The following NEGR1 variants were observed in gnomAD, a reference collection of about 807,000 sequenced individuals.
NEGR1 encodes the protein neuronal growth regulator 1.
A neutral mutation model predicts 40.9 loss-of-function variants in NEGR1; 10 were observed. That is an observed-to-expected ratio of 0.24 (90% CI 0.15 to 0.42). The LOEUF is 0.42. Ranked by LOEUF, NEGR1 falls within the 10% of genes least tolerant of loss-of-function variation. The pLI is 1.00. For missense variants in NEGR1, 352 were observed against 438.9 expected, an observed-to-expected ratio of 0.80 and a Z score of 1.77; for synonymous variants, 185 against 166.8, an observed-to-expected ratio of 1.11 and a Z score of -0.84.
chr1:72,205,436 A>C (rs932053872), intron 1 of NEGR1, among the ~76,000 whole-genome samples: 2 of 151,728 alleles, frequency 1.3e-5, no homozygotes, highest in Non-Finnish European at 2.9e-5. Context: ...AACATGGACC[A>C]AGCAGAATAA....
chr1:72,096,538 C>T (rs1175268544), intron 1 of NEGR1, among the ~76,000 whole-genome samples: 3 of 149,050 alleles, frequency 2.0e-5, no homozygotes, highest in African/African-American at 4.8e-5. Context: ...ATCATAGTCA[C>T]TGAATAACTA....
chr1:71,733,548 GTAT>G (rs1329693610), intron 3 of NEGR1, among the ~76,000 whole-genome samples: 1 of 152,130 alleles, frequency 6.6e-6, no homozygotes, highest in East Asian at 1.9e-4. Context: ...GTGATCTGAT[GTAT>G]TATTTATCTT....
rs574774460 is a variant in NEGR1 at position 71,952,695 on chromosome 1, C to A, written c.177-17384G>T. 1.8e-4 allele frequency among the ~76,000 whole-genome samples: 27 copies of A among 151,018 alleles called. No homozygotes were observed. In the Middle Eastern group the frequency reaches 0.01, roughly 57 times the overall value. On this transcript the variant is annotated intron_variant, in intron 1 of 6. Transcript: ENST00000357731. ...AAGAAGGTGCCACCTAGGACTTTCA[C>A]GGCTAGAGAAGAGAAGTCAATACCT...
intron 1 of NEGR1, among the ~76,000 whole-genome samples, chr1:71,962,475 T>C (rs942816104): frequency 6.6e-6 from 1 of 152,068 alleles, no homozygotes; most frequent in Non-Finnish European, 1.5e-5. Context: ...ACTCTCTTGA[T>C]CTAGCATGGT....
At chr1:71,834,140 G>A (rs995634994) in intron 2 of NEGR1, among the ~76,000 whole-genome samples, 1 of 152,058 alleles carries the variant, frequency 6.6e-6, no homozygotes, top group Non-Finnish European at 1.5e-5. Context: ...ATTGATACTG[G>A]TATTTGATTC....
rs1646227625 is a variant in NEGR1 at position 71,398,740 on chromosome 1, G to C, written c.*8706C>G. The C allele has an allele frequency of 6.6e-6, 1 of 152,178 alleles. No homozygotes were observed. Among genetic ancestry groups the C allele is most frequent in the African/African-American group, 2.4e-5 (1 of 41,420 alleles). 9.4% of individuals were successfully genotyped at this position (152,178 alleles called of 1,614,324 possible). A position where few individuals can be genotyped will look rare whatever the true frequency, so the allele number is the denominator to read the frequency against. ...ACATGAGATTTGGGAGGGACCAGGG[G>C]TGGAATGATATGGTTTGGCTGTGTC... On this transcript the variant is annotated 3_prime_UTR_variant, in exon 7 of 7. Coordinates refer to ENST00000357731, the MANE Select transcript of NEGR1 (RefSeq NM_173808.3).
At chr1:71,590,358 T>C (rs1649458840) in intron 6 of NEGR1, among the ~76,000 whole-genome samples, 1 of 152,126 alleles carries the variant, frequency 6.6e-6, no homozygotes, top group Non-Finnish European at 1.5e-5. Context: ...CCCTTGAGAC[T>C]ATAGTAAGAG....
At chr1:71,638,746 T>G (rs1651248731) in intron 4 of NEGR1, among the ~76,000 whole-genome samples, 1 of 151,994 alleles carries the variant, frequency 6.6e-6, no homozygotes, top group Non-Finnish European at 1.5e-5. Flanking sequence ...AATAACCTTT[T>G]ACAGTCTCAG....
chr1:71,597,975 C>T (rs528288546), intron 5 of NEGR1, among the ~76,000 whole-genome samples: 2 of 152,084 alleles, frequency 1.3e-5, no homozygotes, highest in East Asian at 3.9e-4. Flanking sequence ...TGTGAAAAAT[C>T]GACACACAGA....
At chr1:71,661,699 T>C (rs982453624) in intron 4 of NEGR1, among the ~76,000 whole-genome samples, 4 of 152,214 alleles carry the variant, frequency 2.6e-5, no homozygotes, top group Admixed American at 2.0e-4. Flanking sequence ...CACAAATTGA[T>C]CTGATGCTAA....
At chr1:71,926,574 C>T (rs570452920) in intron 2 of NEGR1, among the ~76,000 whole-genome samples, 1 of 150,328 alleles carries the variant, frequency 6.7e-6, no homozygotes, top group Non-Finnish European at 1.5e-5. Flanking sequence ...TATGAACTCA[C>T]AAAGTTCCTT....
intron 5 of NEGR1, among the ~76,000 whole-genome samples, chr1:71,606,750 T>G (rs1267169046): frequency 6.6e-6 from 1 of 152,110 alleles, no homozygotes; most frequent in African/African-American, 2.4e-5. Context: ...GAAAGTGTTT[T>G]TTTTTTTTTT....
chr1:71,785,747 C>A (rs1656887974), intron 2 of NEGR1, among the ~76,000 whole-genome samples: 1 of 152,156 alleles, frequency 6.6e-6, no homozygotes. Flanking sequence ...GCCTTCTTTG[C>A]AAACATTTCC....
chr1:71,622,104 C>A (rs143282448), intron 4 of NEGR1, among the ~76,000 whole-genome samples: 1 of 151,872 alleles, frequency 6.6e-6, no homozygotes. Context: ...AGTGATGCAT[C>A]CACTGTAAAA....
At chr1:72,171,367 A>C (rs947204835) in intron 1 of NEGR1, among the ~76,000 whole-genome samples, 4 of 152,190 alleles carry the variant, frequency 2.6e-5, no homozygotes, top group African/African-American at 9.6e-5. Flanking sequence ...GTGTAAGAGC[A>C]CATAAAAGTA....
At chr1:72,184,890 G>A (rs1174201182) in intron 1 of NEGR1, among the ~76,000 whole-genome samples, 1 of 152,028 alleles carries the variant, frequency 6.6e-6, no homozygotes, top group Admixed American at 6.6e-5. Context: ...AGGATTAAAT[G>A]AGAGAACATG....
At chr1:71,872,025 AT>A (rs1660293289) in intron 2 of NEGR1, among the ~76,000 whole-genome samples, 2 of 152,354 alleles carry the variant, frequency 1.3e-5, no homozygotes, top group South Asian at 4.1e-4. Context: ...AATCTATAAA[AT>A]TTAGTACTCT....
At chr1:72,012,729 T>G (rs1169888614) in intron 1 of NEGR1, among the ~76,000 whole-genome samples, 1 of 151,636 alleles carries the variant, frequency 6.6e-6, no homozygotes, top group African/African-American at 2.4e-5. Context: ...CATATATTTT[T>G]TCCAGAAAAT....
At chr1:71,740,979 C>T (rs1455224361) in intron 3 of NEGR1, among the ~76,000 whole-genome samples, 1 of 152,144 alleles carries the variant, frequency 6.6e-6, no homozygotes, top group African/African-American at 2.4e-5. Context: ...CGACACCCTG[C>T]AGAGGTTGGC....
Sources: allele counts gnomAD v4.1 joint callset (sites outside exome capture counted in the v4.1 genomes callset), GRCh38; gene constraint gnomAD v4.1.1; transcripts MANE v1.5; gene names NCBI Gene and HGNC (gene_info 2026-07-23, HGNC 2026-07-21).